FAF1: variants seen among roughly 807,000 people sequenced by gnomAD.
The protein encoded by FAF1 is FAS-associated factor 1.
A neutral mutation model predicts 92.5 loss-of-function variants in FAF1; 25 were observed. That is an observed-to-expected ratio of 0.27 (90% confidence interval 0.20 to 0.38). The LOEUF is 0.38. Among genes scored for constraint, FAF1 ranks in the 10% least tolerant of loss-of-function variants. The pLI, the probability that FAF1 is intolerant of heterozygous loss-of-function variation, is 1.00. For missense variants in FAF1, 636 were observed against 793.3 expected (o/e 0.80, Z 2.38); for synonymous variants, 234 against 273.2 (o/e 0.86, Z 1.42).
intron 9 of FAF1, among the ~76,000 whole-genome samples, chr1:50,588,504 C>T (rs1474441115): frequency 6.6e-6 from 1 of 152,140 alleles, no homozygotes; most frequent in East Asian, 1.9e-4. Flanking sequence ...TAAGGAGAGA[C>T]CTTCACCTGT....
intron 17 of FAF1, among the ~76,000 whole-genome samples, chr1:50,477,870 T>G (rs1052425775): frequency 5.9e-5 from 9 of 152,236 alleles, no homozygotes; most frequent in Admixed American, 5.2e-4. Context: ...ACATGCTAAC[T>G]GAAATAATAT....
chr1:50,646,705 G>C (rs1304188842), intron 8 of FAF1, among the ~76,000 whole-genome samples: 1 of 152,110 alleles, frequency 6.6e-6, no homozygotes, highest in Non-Finnish European at 1.5e-5. Context: ...TACTTCAGTT[G>C]TCATTGTTTA....
chr1:50,762,538 T>C (rs12063435), intron 4 of FAF1, among the ~76,000 whole-genome samples: 2,998 of 151,966 alleles, frequency 0.02, 94 homozygotes, highest in African/African-American at 0.07. Context: ...TAACACCACA[T>C]ATCTACAACT....
chr1:50,751,896 C>A (rs745434376), intron 4 of FAF1, among the ~76,000 whole-genome samples: 1 of 152,182 alleles, frequency 6.6e-6, no homozygotes, highest in African/African-American at 2.4e-5. Context: ...GGTAATAGTT[C>A]TTCCTTAAAT....
At chr1:50,855,170 T>G (rs1470202801) in intron 2 of FAF1, among the ~76,000 whole-genome samples, 1 of 151,892 alleles carries the variant, frequency 6.6e-6, no homozygotes, top group South Asian at 2.1e-4. Flanking sequence ...TTGACCTGTG[T>G]AATACACACA....
At chr1:50,841,426 G>GT (rs1321692477) in intron 2 of FAF1, among the ~76,000 whole-genome samples, 1 of 152,046 alleles carries the variant, frequency 6.6e-6, no homozygotes, top group Non-Finnish European at 1.5e-5. Context: ...AAGTTGTAGT[G>GT]TAAGATGGTG....
intron 1 of FAF1, among the ~76,000 whole-genome samples, chr1:50,916,346 A>G (rs1244892270): frequency 6.6e-6 from 1 of 152,248 alleles, no homozygotes; most frequent in Non-Finnish European, 1.5e-5. Context: ...AAAGACAGGA[A>G]AGGAATCCAA....
intron 8 of FAF1, among the ~76,000 whole-genome samples, chr1:50,654,817 G>C (rs564221326): frequency 2.0e-5 from 3 of 152,088 alleles, no homozygotes; most frequent in African/African-American, 7.2e-5. Flanking sequence ...AAAAAACTAA[G>C]TCAAAGTCAA....
intron 6 of FAF1, among the ~76,000 whole-genome samples, chr1:50,713,184 C>T (rs1275421918): frequency 6.9e-6 from 1 of 144,102 alleles, no homozygotes. Context: ...AAAAAGTTCA[C>T]GCTGCTTCAA....
chr1:50,868,471 T>C (rs898271478), intron 1 of FAF1, among the ~76,000 whole-genome samples: 2 of 152,224 alleles, frequency 1.3e-5, no homozygotes, highest in African/African-American at 4.8e-5. Context: ...AAGTTGCTCT[T>C]CCAGCTTCTT....
intron 8 of FAF1, among the ~76,000 whole-genome samples, chr1:50,626,495 T>C (rs915947661): frequency 1.3e-5 from 2 of 152,154 alleles, no homozygotes; most frequent in African/African-American, 2.4e-5. Flanking sequence ...CCAATGATGG[T>C]ACCTCAGAAG....
intron 1 of FAF1, among the ~76,000 whole-genome samples, chr1:50,949,231 G>A (rs990312884): frequency 2.0e-5 from 3 of 152,208 alleles, no homozygotes; most frequent in African/African-American, 7.2e-5. Context: ...ACTCTGAGGT[G>A]GGGGTCCAGC....
intron 4 of FAF1, among the ~76,000 whole-genome samples, chr1:50,773,435 G>T (rs775971262): frequency 3.3e-5 from 5 of 152,168 alleles, no homozygotes; most frequent in Non-Finnish European, 7.3e-5. Context: ...CTATGTGCCC[G>T]TCAATAGATG....
At chr1:50,887,228 T>C (rs563103195) in intron 1 of FAF1, among the ~76,000 whole-genome samples, 1 of 152,278 alleles carries the variant, frequency 6.6e-6, no homozygotes, top group South Asian at 2.1e-4. Flanking sequence ...GATGGGGTTG[T>C]TGTTTTCTTG....
intron 6 of FAF1, among the ~76,000 whole-genome samples, chr1:50,707,012 G>A (rs1490617497): frequency 6.6e-6 from 1 of 151,992 alleles, no homozygotes; most frequent in Non-Finnish European, 1.5e-5. Context: ...GACCATCCTG[G>A]CTAACACGGT....
intron 6 of FAF1, among the ~76,000 whole-genome samples, chr1:50,728,363 T>C (rs895408907): frequency 6.6e-6 from 1 of 152,158 alleles, no homozygotes; most frequent in Non-Finnish European, 1.5e-5. Context: ...AGAGGAACAG[T>C]ATGGCTGGTG....
At chr1:50,862,796 G>A (rs534380025) in intron 1 of FAF1, among the ~76,000 whole-genome samples, 1 of 151,804 alleles carries the variant, frequency 6.6e-6, no homozygotes, top group South Asian at 2.1e-4. Context: ...AAGACAAAAA[G>A]GGACATTATA....
At chr1:50,567,943 A>G (rs1650246300) in intron 12 of FAF1, among the ~76,000 whole-genome samples, 1 of 152,084 alleles carries the variant, frequency 6.6e-6, no homozygotes, top group Non-Finnish European at 1.5e-5. Flanking sequence ...GTTGCTTTCA[A>G]TAAATGACAC....
At chr1:50,777,268 A>C (rs1343903593) in intron 4 of FAF1, among the ~76,000 whole-genome samples, 5 of 151,916 alleles carry the variant, frequency 3.3e-5, no homozygotes, top group Non-Finnish European at 5.9e-5. Context: ...AAAAAAAAAA[A>C]ATTTGCCAAA....
Sources: gnomAD v4.1 joint callset for allele counts (sites outside exome capture counted in the v4.1 genomes callset) on GRCh38, gnomAD v4.1.1 for gene constraint, MANE v1.5 for transcripts, NCBI Gene and HGNC (gene_info 2026-07-23, HGNC 2026-07-21) for gene names.